Variants in SULT6B1 observed in about 807,000 individuals in gnomAD.
The protein encoded by SULT6B1 is sulfotransferase family 6B member 1, also known as sulfotransferase 6B1.
A neutral mutation model predicts 37.2 loss-of-function variants in SULT6B1; 44 were observed. The observed-to-expected ratio is 1.18, with a 90% CI of 0.93 to 1.52. SULT6B1 has a LOEUF of 1.52. Among genes scored for constraint, SULT6B1 ranks in the 40% most tolerant of loss-of-function variants. SULT6B1 has a pLI of 0.00. For synonymous variants in SULT6B1, 140 were observed against 126.0 expected, an observed-to-expected ratio of 1.11 and a Z score of -0.74; for missense variants, 450 against 361.0, an observed-to-expected ratio of 1.25 and a Z score of -2.00.
intron 3 of SULT6B1, among the ~76,000 whole-genome samples, 191 bp downstream of exon 3, chr2:37,183,234 G>C (rs779277869): frequency 6.6e-6 from 1 of 152,038 alleles, no homozygotes; most frequent in Admixed American, 6.6e-5. Flanking sequence ...TTATTTCCTT[G>C]TTGAAAATGC....
At chr2:37,193,597 A>AAGAAGAAGAAGAAG (rs1553345837), upstream of SULT6B1, among the ~76,000 whole-genome samples, 1 of 113,796 alleles carries the variant, frequency 8.8e-6, no homozygotes, top group Admixed American at 1.0e-4. Flanking sequence ...AGAAGAAGAA[A>AAGAAGAAGAAGAAG]AAGAAGAAGA....
chr2:37,169,006 G>A (rs56006332), intron 6 of SULT6B1, among the ~76,000 whole-genome samples: 33,976 of 152,000 alleles, frequency 0.22, 3,896 homozygotes, highest in South Asian at 0.34. Context: ...ACAGAATAAG[G>A]GTGGAAGAAA....
chr2:37,192,842 G>C (rs2540975), upstream of SULT6B1, among the ~76,000 whole-genome samples: 1 of 152,064 alleles, frequency 6.6e-6, no homozygotes, highest in Admixed American at 6.6e-5. Context: ...ATTGGTAATG[G>C]GAACTCTGAT....
At chr2:37,174,432 A>C (rs1234064427) in intron 5 of SULT6B1, among the ~76,000 whole-genome samples, 2 of 151,562 alleles carry the variant, frequency 1.3e-5, no homozygotes, top group African/African-American at 4.9e-5. Flanking sequence ...TCCTGGCCTG[A>C]AGTGATCCCC....
At chr2:37,187,300 G>A (rs185442268) in intron 2 of SULT6B1, 55 bp downstream of exon 2, 42 of 1,207,914 alleles carry the variant, frequency 3.5e-5, no homozygotes, top group Admixed American at 1.0e-4. Context: ...TCTCCAAACC[G>A]GAAGAAATCT....
In SULT6B1 at chr2:37,183,407, G is replaced by T. The variant is rs202217613; in HGVS notation, c.402+18C>A. On this transcript the variant is annotated intron_variant, in intron 3 of 6. Coordinates refer to ENST00000535679, the MANE Select transcript of SULT6B1 (RefSeq NM_001367551.1). The stretch of plus-strand genomic sequence containing the variant: ...ACATAGAAATTTCAAAGAATTATCA[G>T]TAGGAAAGGACACTCACCTTGGCTT... 14 of 1,597,488 alleles carry T rather than the reference G, an allele frequency of 8.8e-6. No individual in the cohort carries two copies. The East Asian group carries it at 1.6e-4, about 18-fold the overall frequency.
chr2:37,177,461 C>T (rs982468727), intron 4 of SULT6B1, among the ~76,000 whole-genome samples: 2 of 138,358 alleles, frequency 1.4e-5, no homozygotes, highest in South Asian at 2.4e-4. Context: ...GAGAAGAATA[C>T]AGCATGTTTT....
intron 4 of SULT6B1, among the ~76,000 whole-genome samples, chr2:37,178,567 A>G (rs1007924651): frequency 3.3e-5 from 5 of 152,006 alleles, no homozygotes; most frequent in African/African-American, 1.2e-4. Context: ...CCTCATCTGT[A>G]CAATGGGGCT....
chr2:37,178,590 C>T (rs1447182889), intron 4 of SULT6B1, among the ~76,000 whole-genome samples: 1 of 149,128 alleles, frequency 6.7e-6, no homozygotes, highest in East Asian at 2.2e-4. Flanking sequence ...TACCACCTTA[C>T]TCATAGTTTG....
intron 5 of SULT6B1, among the ~76,000 whole-genome samples, chr2:37,174,007 A>T (rs1268815517): frequency 6.6e-6 from 1 of 151,616 alleles, no homozygotes; most frequent in East Asian, 1.9e-4. Context: ...TACCTCCTTG[A>T]CTCTTTCCTC....
intron 5 of SULT6B1, 64 bp from the exon 6 acceptor site, chr2:37,171,654 G>T: frequency 6.6e-7 from 1 of 1,514,210 alleles, no homozygotes; most frequent in South Asian, 1.2e-5. Context: ...AGCTGAGACA[G>T]ACTTTTTAGT....
chr2:37,180,887 A>G (rs539801070), intron 3 of SULT6B1, among the ~76,000 whole-genome samples: 3 of 152,180 alleles, frequency 2.0e-5, no homozygotes, highest in Non-Finnish European at 4.4e-5. Context: ...CCATCTCAAC[A>G]ATAACAACAA....
At chr2:37,183,573 T>TGTGTG in intron 2 of SULT6B1, 59 bp from the exon 3 acceptor site, 1 of 1,268,100 alleles carries the variant, frequency 7.9e-7, no homozygotes. Context: ...TGTGTGTGTG[T>TGTGTG]TGAATCACTC....
In SULT6B1 at chr2:37,171,601, A is replaced by T. The variant is rs758396941; in HGVS notation, c.625-11T>A. 6.2e-7 allele frequency: 1 copy of T among 1,608,424 alleles called. No individual in the cohort carries two copies. The highest frequency in any genetic ancestry group is 8.5e-7 in the Non-Finnish European group (1 of 1,177,946). ...TCCAGCAGCCAGATTCTGTAAAAAAATTTTCTTAAAGATAAATTTCTTCCT... is the reference window on the plus strand; with the variant it reads ...TCCAGCAGCCAGATTCTGTAAAAAATTTTTCTTAAAGATAAATTTCTTCCT... On this transcript the variant is annotated splice_polypyrimidine_tract_variant and intron_variant, in intron 5 of 6. Coordinates refer to ENST00000535679, the MANE Select transcript of SULT6B1 (RefSeq NM_001367551.1).
upstream of SULT6B1, among the ~76,000 whole-genome samples, chr2:37,188,939 A>C (rs1676730155): frequency 6.6e-6 from 1 of 152,238 alleles, no homozygotes; most frequent in Admixed American, 6.5e-5. Context: ...TATATATTAA[A>C]TATCTAACAA....
chr2:37,179,561 A>C lies in SULT6B1; in HGVS notation c.426T>G (p.Pro142=). 3.7e-6 allele frequency: 6 copies of C among 1,612,544 alleles called. No homozygotes were observed. Among genetic ancestry groups the C allele is most frequent in the Non-Finnish European group, 5.1e-6 (6 of 1,179,692 alleles). Residue 142 remains proline, a synonymous_variant, in exon 4 of 7, where the codon CCT becomes CCG. Transcript: ENST00000535679. ...GCAAAAAAGATACTGCTGTATCTTT[A>C]GGGTTTCGAAATATCACCAATATCT... The part of the protein sequence containing the change: ...KAKILVIFRN[P]KDTAVSFLHF...
chr2:37,189,340 G>A (rs1676737499), upstream of SULT6B1, among the ~76,000 whole-genome samples: 1 of 152,234 alleles, frequency 6.6e-6, no homozygotes, highest in African/African-American at 2.4e-5. Context: ...ATTGACTGAG[G>A]ATGTAAGGCC....
Position 37,179,464 on chromosome 2 carries a change from C to T in SULT6B1, c.523G>A (p.Gly175Arg), listed in dbSNP as rs779716593. The change falls in exon 4 of 7, where the codon GGA becomes AGA. Residue 175 changes from glycine (G) to arginine (R), a missense_variant. Gly to Arg is a moderately radical substitution (Grantham distance 125). Transcript: ENST00000535679. ...WDEFFRQFMKGQVSWGRYFDF... is the reference protein window; with the variant it reads ...WDEFFRQFMKRQVSWGRYFDF... ...CTTTTACCAACAGCCATACCTTGTC[C>T]TTTCATGAACTGTCTGAAGAATTCA... The T allele has an allele frequency of 6.2e-7, 1 of 1,613,366 alleles. No individual in the cohort carries two copies. The highest frequency in any genetic ancestry group is 1.1e-5 in the South Asian group (1 of 90,872).
At chr2:37,177,578 C>T (rs921459614) in intron 4 of SULT6B1, among the ~76,000 whole-genome samples, 4 of 152,146 alleles carry the variant, frequency 2.6e-5, no homozygotes, top group Admixed American at 1.3e-4. Context: ...TCAAAAGGTA[C>T]AAACTTGTTA....
Sources: gnomAD v4.1 joint callset for allele counts (sites outside exome capture counted in the v4.1 genomes callset) on GRCh38, gnomAD v4.1.1 for gene constraint, MANE v1.5 for transcripts, NCBI Gene and HGNC (gene_info 2026-07-23, HGNC 2026-07-21) for gene names.